The following YES1 variants were observed in gnomAD, a reference collection of about 807,000 sequenced individuals.
YES1 encodes tyrosine-protein kinase Yes.
YES1 carries 39 observed loss-of-function variants against 70.4 expected under a neutral mutation model. That is an observed-to-expected ratio of 0.55 (90% confidence interval 0.43 to 0.72). The LOEUF is 0.72. Among genes scored for constraint, YES1 ranks in the 30% least tolerant of loss-of-function variants. The pLI is 0.00. For synonymous variants in YES1, 198 were observed against 218.6 expected, an observed-to-expected ratio of 0.91 and a Z score of 0.83; for missense variants, 495 against 644.8, an observed-to-expected ratio of 0.77 and a Z score of 2.52.
intron 11 of YES1, among the ~76,000 whole-genome samples, chr18:726,835 G>A (rs2080026804): frequency 7.9e-6 from 1 of 126,050 alleles, no homozygotes; most frequent in Non-Finnish European, 1.6e-5. Flanking sequence ...TAAATACTTA[G>A]CATACTGTCA....
In YES1 at chr18:724,500, A is replaced by G; in HGVS notation, c.1556T>C (p.Phe519Ser). 1.2e-6 allele frequency: 2 copies of G among 1,614,206 alleles called. No homozygotes were observed. Among genetic ancestry groups the G allele is most frequent in the Non-Finnish European group, 1.7e-6 (2 of 1,180,034 alleles). ...WKKDPDERPT[F>S]EYIQSFLEDY... The stretch of plus-strand genomic sequence containing the variant: ...TTCCAAGAAGGACTGAATATATTCA[A>G]ATGTTGGTCTTTCATCAGGGTCCTT... Residue 519 changes from phenylalanine (F) to serine (S), a missense_variant, in exon 12 of 12, where the codon TTT (phenylalanine) becomes TCT (serine). Physicochemically the swap from Phe to Ser is radical, Grantham distance 155 (BLOSUM62 -2). Transcript: ENST00000314574.
chr18:781,269 C>CA (rs1167805094), intron 1 of YES1, among the ~76,000 whole-genome samples: 1,172 of 101,338 alleles, frequency 0.012, 14 homozygotes, highest in African/African-American at 0.018. Context: ...AACTCTGTCT[C>CA]AAAAAAAAAA....
rs1394876494 is a variant in YES1, at chr18:757,902, GA to G, written c.-8-1068del. On this transcript the variant is annotated intron_variant, in intron 1 of 11. Transcript: ENST00000314574. ...AAAGAAAAAGAAAGAAAACAAAATA[GA>G]AAAAAAAGAGAAAAACCTACCTCAT... 4.0e-5 allele frequency among the ~76,000 whole-genome samples: 6 copies of G among 150,908 alleles called. No homozygotes were observed. The East Asian group carries it at 9.7e-4, about 24-fold the overall frequency.
chr18:747,816 G>T, intron 4 of YES1, 104 bp downstream of exon 4: 2 of 967,092 alleles, frequency 2.1e-6, no homozygotes, highest in Non-Finnish European at 3.2e-6. Context: ...GCTGTATTAA[G>T]ACTGGTATAT....
intron 1 of YES1, among the ~76,000 whole-genome samples, chr18:795,942 CACAT>C (rs1160364103): frequency 4.6e-5 from 7 of 151,876 alleles, no homozygotes; most frequent in Admixed American, 1.3e-4. Flanking sequence ...CACACACACA[CACAT>C]AAGACCTATG....
rs202188142 is a variant in YES1, at chr18:756,733, T to C, written c.95A>G (p.Tyr32Cys). Residue 32 changes from tyrosine (Y) to cysteine (C), a missense_variant, in exon 2 of 12, where the codon TAT becomes TGT. Around this residue, in one of 2 missense-constraint regions of YES1, gnomAD observed 110 missense variants for 104.0 expected, o/e 1.06. Coordinates refer to ENST00000314574, the MANE Select transcript of YES1 (RefSeq NM_005433.4). ...PEPVSTSVSH[Y>C]GAEPTTVSPC... Reference sequence around the variant, plus strand: ...TGACACTGTAGTGGGTTCTGCTCCATAATGGCTCACACTTGTACTGACAGG... The same window carrying C: ...TGACACTGTAGTGGGTTCTGCTCCACAATGGCTCACACTTGTACTGACAGG... 3.0e-4 allele frequency: 488 copies of C among 1,614,226 alleles called. No individual in the cohort carries two copies. The highest frequency in any genetic ancestry group is 1.1e-3 in the South Asian group (104 of 91,086).
chr18:775,730 G>A (rs1905346508), intron 1 of YES1, among the ~76,000 whole-genome samples: 1 of 152,104 alleles, frequency 6.6e-6, no homozygotes, highest in African/African-American at 2.4e-5. Context: ...CTGGGAGATA[G>A]AGGCTACAGT....
intron 4 of YES1, among the ~76,000 whole-genome samples, 183 bp from the exon 5 acceptor site, chr18:746,234 T>C (rs1568193596): frequency 6.6e-6 from 1 of 152,214 alleles, no homozygotes; most frequent in Non-Finnish European, 1.5e-5. Context: ...ATATTACTGT[T>C]AGAATATACT....
At chr18:748,852 G>T (rs1017111260) in intron 3 of YES1, among the ~76,000 whole-genome samples, 2 of 152,020 alleles carry the variant, frequency 1.3e-5, no homozygotes, top group African/African-American at 4.8e-5. Context: ...TTAACAATGA[G>T]CAACAAAGTT....
intron 1 of YES1, among the ~76,000 whole-genome samples, chr18:782,681 T>C (rs763832807): frequency 9.2e-5 from 14 of 152,206 alleles, no homozygotes; most frequent in Non-Finnish European, 1.9e-4. Context: ...AAAAGGATTA[T>C]TTTTTCTTTC....
chr18:729,801 A>T (rs1190998042), intron 11 of YES1, among the ~76,000 whole-genome samples: 2 of 151,498 alleles, frequency 1.3e-5, no homozygotes, highest in African/African-American at 4.8e-5. Context: ...TAATTTTTGT[A>T]TTTTTAGCAG....
At chr18:758,348 T>C (rs62088302) in intron 1 of YES1, among the ~76,000 whole-genome samples, 16,904 of 152,066 alleles carry the variant, frequency 0.11, 1,080 homozygotes, top group East Asian at 0.28. Flanking sequence ...AGTAGATCTA[T>C]ACCTTTTCCC....
intron 11 of YES1, among the ~76,000 whole-genome samples, chr18:729,102 G>T (rs2145667573): frequency 6.6e-6 from 1 of 152,134 alleles, no homozygotes; most frequent in East Asian, 1.9e-4. Context: ...TGCCCCACTG[G>T]TTTCATACAT....
intron 1 of YES1, among the ~76,000 whole-genome samples, chr18:801,500 A>G (rs997303988): frequency 6.6e-6 from 1 of 152,226 alleles, no homozygotes; most frequent in Admixed American, 6.5e-5. Flanking sequence ...GCAAATTAGA[A>G]AATGGCTATC....
intron 1 of YES1, among the ~76,000 whole-genome samples, chr18:768,191 C>T (rs1223046262): frequency 1.3e-5 from 2 of 152,168 alleles, no homozygotes; most frequent in Non-Finnish European, 2.9e-5. Flanking sequence ...AAACCATTTC[C>T]AAAAGCAGGC....
chr18:777,001 C>T (rs568283900), intron 1 of YES1, among the ~76,000 whole-genome samples: 31 of 152,106 alleles, frequency 2.0e-4, no homozygotes, highest in Non-Finnish European at 4.3e-4. Flanking sequence ...ACAAAAAGGC[C>T]AATTAGACAT....
At chr18:767,111 G>A (rs1238015763) in intron 1 of YES1, among the ~76,000 whole-genome samples, 1 of 151,840 alleles carries the variant, frequency 6.6e-6, no homozygotes, top group Non-Finnish European at 1.5e-5. Flanking sequence ...GGCCTATCAA[G>A]CCATTTTAAG....
At chr18:731,171 T>G (rs2080083635) in intron 11 of YES1, among the ~76,000 whole-genome samples, 1 of 151,928 alleles carries the variant, frequency 6.6e-6, no homozygotes, top group Non-Finnish European at 1.5e-5. Flanking sequence ...TTTGAAAGGG[T>G]TGCAGTTATT....
intron 1 of YES1, among the ~76,000 whole-genome samples, chr18:804,270 A>G: frequency 6.6e-6 from 1 of 152,222 alleles, no homozygotes; most frequent in East Asian, 1.9e-4. Flanking sequence ...CATCATAACT[A>G]TCCACTTCAA....
Sources: gnomAD v4.1 joint callset for allele counts (sites outside exome capture counted in the v4.1 genomes callset) on GRCh38, gnomAD v4.1.1 for gene constraint, gnomAD v4.1.1 regional missense constraint, MANE v1.5 for transcripts, NCBI Gene and HGNC (gene_info 2026-07-23, HGNC 2026-07-21) for gene names.